Variants in SCUBE2 observed in about 807,000 individuals in gnomAD.
SCUBE2 encodes signal peptide, CUB domain and EGF like domain containing 2.
SCUBE2 carries 114 observed loss-of-function variants against 125.9 expected under a neutral mutation model. The observed-to-expected ratio is 0.91, with a 90% CI of 0.78 to 1.06. SCUBE2 has a LOEUF of 1.06. Ranked by LOEUF, SCUBE2 falls within the 50% of genes least tolerant of loss-of-function variation. SCUBE2 has a pLI of 0.00. For missense variants in SCUBE2, 1,255 were observed against 1,301.8 expected (o/e 0.96, Z 0.55); for synonymous variants, 459 against 492.9 (o/e 0.93, Z 0.91).
At chr11:9,073,993 G>C (rs559583124) in intron 4 of SCUBE2, among the ~76,000 whole-genome samples, 1 of 152,098 alleles carries the variant, frequency 6.6e-6, no homozygotes. Context: ...TCTGCCCCTC[G>C]GAGCTCAAAA....
intron 21 of SCUBE2, among the ~76,000 whole-genome samples, chr11:9,022,996 CTG>C (rs953249244): frequency 6.6e-6 from 1 of 152,162 alleles, no homozygotes; most frequent in South Asian, 2.1e-4. Flanking sequence ...AGGAAGAAAA[CTG>C]TGTGTGTTCT....
At chr11:9,075,748 C>T (rs906862850) in intron 3 of SCUBE2, among the ~76,000 whole-genome samples, 1 of 152,266 alleles carries the variant, frequency 6.6e-6, no homozygotes, top group African/African-American at 2.4e-5. Context: ...GCATCTGCAA[C>T]AGCCACAGCT....
At chr11:9,042,532 A>G (rs1219545391) in intron 16 of SCUBE2, among the ~76,000 whole-genome samples, 2 of 152,116 alleles carry the variant, frequency 1.3e-5, no homozygotes, top group Non-Finnish European at 2.9e-5. Flanking sequence ...CTCAATATTC[A>G]GGCTTTAGCC....
chr11:9,037,610 T>C (rs956643115), intron 16 of SCUBE2, among the ~76,000 whole-genome samples: 1 of 152,246 alleles, frequency 6.6e-6, no homozygotes, highest in Non-Finnish European at 1.5e-5. Context: ...ATTCCCAGGG[T>C]GCCCCAGGGC....
At chr11:9,061,882 A>G (rs1375924121) in intron 7 of SCUBE2, among the ~76,000 whole-genome samples, 2 of 152,240 alleles carry the variant, frequency 1.3e-5, no homozygotes, top group Non-Finnish European at 2.9e-5. Context: ...AGAGTCCCAG[A>G]AAGACTCAGG....
intron 16 of SCUBE2, among the ~76,000 whole-genome samples, chr11:9,044,888 A>ATT (rs748067268): frequency 7.1e-4 from 108 of 152,268 alleles, no homozygotes; most frequent in Non-Finnish European, 1.1e-3. Context: ...ACACTTTGTA[A>ATT]TGAGGCCTTC....
intron 2 of SCUBE2, among the ~76,000 whole-genome samples, chr11:9,088,258 C>T (rs1177364277): frequency 6.6e-6 from 1 of 152,234 alleles, no homozygotes; most frequent in African/African-American, 2.4e-5. Flanking sequence ...GAGGCCGAGG[C>T]CAGTGGATCA....
At chr11:9,043,271 C>CAT (rs112178694) in intron 16 of SCUBE2, among the ~76,000 whole-genome samples, 13,729 of 152,152 alleles carry the variant, frequency 0.09, 777 homozygotes, top group East Asian at 0.2. Flanking sequence ...TACATACATA[C>CAT]ATATATACAC....
At chr11:9,057,740 C>G (rs904721851) in intron 9 of SCUBE2, among the ~76,000 whole-genome samples, 4 of 152,128 alleles carry the variant, frequency 2.6e-5, no homozygotes, top group African/African-American at 7.2e-5. Context: ...GCCGTGTTGG[C>G]CAGACTAGTC....
intron 21 of SCUBE2, 103 bp downstream of exon 21, chr11:9,025,599 C>G: frequency 7.1e-7 from 1 of 1,412,126 alleles, no homozygotes; most frequent in East Asian, 2.4e-5. Flanking sequence ...ATCTTGCCTG[C>G]CTTTCTGAGC....
In SCUBE2 at chr11:9,053,660, T is replaced by A. The variant is rs1169070760; in HGVS notation, c.1307A>T (p.His436Leu). The A allele has an allele frequency of 6.2e-7, 1 of 1,613,882 alleles. No individual in the cohort carries two copies. The highest frequency in any genetic ancestry group is 8.5e-7 in the Non-Finnish European group (1 of 1,179,904). ...ECQCHPGYKL[H>L]WNKKDCVEVK... Reference sequence around the variant, plus strand: ...ACCCACACAGTCTTTTTTATTCCAGTGGAGCTTGTACCCAGGGTGGCACTG... The same window carrying A: ...ACCCACACAGTCTTTTTTATTCCAGAGGAGCTTGTACCCAGGGTGGCACTG... Residue 436 changes from histidine (H) to leucine (L), a missense_variant, in exon 11 of 23, where the codon CAC (histidine) becomes CTC (leucine). Coordinates refer to ENST00000649792, the MANE Select transcript of SCUBE2 (RefSeq NM_001367977.2).
chr11:9,075,522 G>T (rs1861147435), intron 3 of SCUBE2, among the ~76,000 whole-genome samples: 1 of 152,194 alleles, frequency 6.6e-6, no homozygotes, highest in African/African-American at 2.4e-5. Flanking sequence ...ACATGAGGGA[G>T]GTTACAGGAG....
At position 9,021,924 on chromosome 11, in the gene SCUBE2, A is replaced by T. The variant is rs1268558219; in HGVS notation, c.2886T>A (p.Val962=). Residue 962 remains valine, a synonymous_variant, in exon 22 of 23, where the codon GTT becomes GTA. Coordinates refer to ENST00000649792, the MANE Select transcript of SCUBE2 (RefSeq NM_001367977.2). ...CAGATGCATAGAGCCTGCCATCTCG[A>T]ACTATGTCTTCAATGAGTTCCTGGT... ...EDYQELIEDI[V]RDGRLYASEN... The T allele has an allele frequency of 6.2e-7, 1 of 1,613,812 alleles. No individual in the cohort carries two copies. The highest frequency in any genetic ancestry group is 2.2e-5 in the East Asian group (1 of 44,902).
intron 16 of SCUBE2, among the ~76,000 whole-genome samples, chr11:9,046,576 C>A (rs1228332583): frequency 6.6e-6 from 1 of 152,188 alleles, no homozygotes; most frequent in Non-Finnish European, 1.5e-5. Flanking sequence ...CAGGAGGGCC[C>A]TGACAGTTTC....
At chr11:9,052,464 C>T (rs1453080647) in intron 13 of SCUBE2, among the ~76,000 whole-genome samples, 1 of 152,210 alleles carries the variant, frequency 6.6e-6, no homozygotes, top group Admixed American at 6.5e-5. Flanking sequence ...TGGAGTACAG[C>T]CTGCTGGTCC....
At chr11:9,078,008 G>A (rs1861340365) in intron 3 of SCUBE2, among the ~76,000 whole-genome samples, 2 of 152,082 alleles carry the variant, frequency 1.3e-5, no homozygotes, top group Admixed American at 1.3e-4. Context: ...CAGCACAACA[G>A]TAATGATGAA....
intron 2 of SCUBE2, among the ~76,000 whole-genome samples, chr11:9,080,697 AG>A (rs1192917851): frequency 1.5e-4 from 23 of 152,054 alleles, no homozygotes; most frequent in Non-Finnish European, 2.9e-4. Flanking sequence ...ACATTGGATG[AG>A]GTTAAAATTT....
At chr11:9,027,615 C>A (rs1270861718) in intron 19 of SCUBE2, 54 bp from the exon 20 acceptor site, 8 of 1,513,542 alleles carry the variant, frequency 5.3e-6, no homozygotes, top group Non-Finnish European at 2.7e-6. Flanking sequence ...TCTGTCCTGA[C>A]CACCGCTAGC....
intron 8 of SCUBE2, 139 bp from the exon 9 acceptor site, chr11:9,059,564 G>T (rs1859457029): frequency 8.8e-7 from 1 of 1,138,320 alleles, no homozygotes; most frequent in Non-Finnish European, 1.2e-6. Flanking sequence ...AATGTTTGCT[G>T]ATGTTTTTAA....
Sources: gnomAD v4.1 joint callset for allele counts (sites outside exome capture counted in the v4.1 genomes callset) on GRCh38, gnomAD v4.1.1 for gene constraint, MANE v1.5 for transcripts, NCBI Gene and HGNC (gene_info 2026-07-23, HGNC 2026-07-21) for gene names.